EPN1: variants seen among roughly 807,000 people sequenced by gnomAD.
EPN1 encodes epsin-1.
Under a neutral mutation model 56.9 loss-of-function variants are expected in EPN1, and 25 were observed. The observed-to-expected ratio is 0.44, with a 90% CI of 0.32 to 0.61. EPN1 has a LOEUF of 0.61. Among genes scored for constraint, EPN1 ranks in the 20% least tolerant of loss-of-function variants. The pLI, the probability that EPN1 is intolerant of heterozygous loss-of-function variation, is 0.05. For synonymous variants in EPN1, 411 were observed against 361.8 expected (o/e 1.14, Z -1.54); for missense variants, 785 against 823.7 (o/e 0.95, Z 0.58).
At chr19:55,690,601 G>C (rs560086055) in intron 6 of EPN1, among the ~76,000 whole-genome samples, 2 of 152,202 alleles carry the variant, frequency 1.3e-5, no homozygotes, top group Non-Finnish European at 2.9e-5. Flanking sequence ...GCCTCTCCCT[G>C]GTTACTAGTC....
chr19:55,678,740 C>T lies in EPN1; in HGVS notation c.113C>T (p.Ser38Phe). The T allele has an allele frequency of 1.2e-6, 2 of 1,614,154 alleles. No individual in the cohort carries two copies. Among genetic ancestry groups the T allele is most frequent in the Non-Finnish European group, 1.7e-6 (2 of 1,180,022 alleles). ...TSNDPWGPSS[S>F]LMSEIADLTY... is the part of the protein sequence containing the mutation. ...AATGACCCCTGGGGCCCATCCAGCT[C>T]CCTCATGTCAGAGATTGCCGACCTC... The change falls in exon 2 of 11, where the codon TCC becomes TTC. Residue 38 changes from serine (S) to phenylalanine (F), a missense_variant. By Grantham distance (155) the Ser-to-Phe change is radical. This residue lies in a region of EPN1 where 135 missense variants were observed against 218.7 expected (regional missense o/e 0.62). Transcript: ENST00000270460.
Position 55,678,711 on chromosome 19 carries a change from G to A in EPN1, c.84G>A (p.Thr28=), listed in dbSNP as rs773627582. The A allele has an allele frequency of 1.2e-6, 2 of 1,614,172 alleles. No individual in the cohort carries two copies. Among genetic ancestry groups the A allele is most frequent in the Non-Finnish European group, 1.7e-6 (2 of 1,180,030 alleles). The part of the protein sequence containing the change: ...SEAEIKVREA[T]SNDPWGPSSS... ...CGGAGATCAAGGTTCGAGAGGCCAC[G>A]AGCAATGACCCCTGGGGCCCATCCA... is the stretch of plus-strand genomic sequence containing the variant. The change falls in exon 2 of 11, where the codon ACG becomes ACA. Residue 28 remains threonine, a synonymous_variant. Coordinates refer to ENST00000270460, the MANE Select transcript of EPN1 (RefSeq NM_001130072.2).
chr19:55,690,343 G>A (rs1349997092), intron 6 of EPN1, among the ~76,000 whole-genome samples: 1 of 152,270 alleles, frequency 6.6e-6, no homozygotes, highest in African/African-American at 2.4e-5. Flanking sequence ...CAGGCCGTGT[G>A]CTGCACACCC....
At chr19:55,684,817 A>G (rs528478300) in intron 2 of EPN1, among the ~76,000 whole-genome samples, 1 of 149,376 alleles carries the variant, frequency 6.7e-6, no homozygotes, top group South Asian at 2.1e-4. Context: ...GTAAAGAAAT[A>G]GACAGGGCTC....
intron 6 of EPN1, among the ~76,000 whole-genome samples, chr19:55,690,413 G>A (rs1320048284): frequency 1.3e-5 from 2 of 152,256 alleles, no homozygotes; most frequent in Non-Finnish European, 2.9e-5. Context: ...TTTCTGTGGC[G>A]TCCCCATGCT....
chr19:55,694,998 A>T lies in EPN1; in HGVS notation c.1522+15A>T. 1 of 1,558,736 alleles carries T rather than the reference A, an allele frequency of 6.4e-7. No individual in the cohort carries two copies. Among genetic ancestry groups the T allele is most frequent in the East Asian group, 2.4e-5 (1 of 41,608 alleles). The stretch of plus-strand genomic sequence containing the variant: ...CCTGCCAGGCGGTGAGTGTGGGCCC[A>T]TCACCTGCTCAAGTCCTTCCTGTGG... On this transcript the variant is annotated intron_variant, in intron 10 of 10. Transcript: ENST00000270460. The surrounding 1 kb of genome is among the most constrained non-coding windows in gnomAD (Gnocchi z 4.2).
Position 55,707,235 on chromosome 19 carries a change from A to T in EPN1, c.*11879A>T, listed in dbSNP as rs1312843493. 6.6e-6 allele frequency: 1 copy of T among 151,824 alleles called. No homozygotes were observed. The highest frequency in any genetic ancestry group is 2.4e-5 in the African/African-American group (1 of 41,298). 9.4% of individuals were successfully genotyped at this position (151,824 alleles called of 1,614,324 possible). On this transcript the variant is annotated 3_prime_UTR_variant, in exon 11 of 11. Transcript: ENST00000270460. Reference sequence around the variant, plus strand: ...TGTGCACCTGTGGTCCCAGCTACACAGGAGGCTGAGGCAGGAGCATCACTT... The same window carrying T: ...TGTGCACCTGTGGTCCCAGCTACACTGGAGGCTGAGGCAGGAGCATCACTT...
Position 55,694,765 on chromosome 19 carries a change from G to T in EPN1, c.1304G>T (p.Ser435Ile). The T allele has an allele frequency of 6.2e-7, 1 of 1,601,192 alleles. No individual in the cohort carries two copies. Among genetic ancestry groups the T allele is most frequent in the South Asian group, 1.1e-5 (1 of 89,528 alleles). ...ELLAGEVPAR[S>I]PGAFDMSGVR... ...CTGGCAGGAGAGGTGCCGGCCCGAA[G>T]CCCTGGGGCGTTTGACATGAGTGGG... The change falls in exon 10 of 11, where the codon AGC (serine) becomes ATC (isoleucine). Residue 435 changes from serine to isoleucine, a missense_variant. Ser to Ile is a moderately radical substitution (Grantham distance 142). Around this residue, in one of 2 missense-constraint regions of EPN1, gnomAD observed 650 missense variants for 605.0 expected, o/e 1.07. Coordinates refer to ENST00000270460, the MANE Select transcript of EPN1 (RefSeq NM_001130072.2). The surrounding 1 kb of genome is among the most constrained non-coding windows in gnomAD (Gnocchi z 4.2).
At chr19:55,682,135 A>C (rs1425342111) in intron 2 of EPN1, among the ~76,000 whole-genome samples, 1 of 152,154 alleles carries the variant, frequency 6.6e-6, no homozygotes, top group Non-Finnish European at 1.5e-5. Context: ...TAAGGTTTTA[A>C]ATTTTTCATT....
chr19:55,690,152 C>T (rs1005849736), intron 6 of EPN1, among the ~76,000 whole-genome samples: 4 of 152,236 alleles, frequency 2.6e-5, no homozygotes, highest in African/African-American at 7.2e-5. Flanking sequence ...GGCTGCCCTG[C>T]GGCCACCTCC....
intron 2 of EPN1, among the ~76,000 whole-genome samples, chr19:55,683,990 C>G (rs1022577970): frequency 6.6e-6 from 1 of 152,188 alleles, no homozygotes; most frequent in African/African-American, 2.4e-5. Context: ...TTCCAAAACA[C>G]AAGGGCCCCA....
intron 6 of EPN1, among the ~76,000 whole-genome samples, chr19:55,690,211 A>G (rs1194462900): frequency 6.6e-6 from 1 of 152,204 alleles, no homozygotes; most frequent in African/African-American, 2.4e-5. Context: ...CGTGAGGGCC[A>G]CCACCGGCCG....
chr19:55,678,546 C>T lies in EPN1; in HGVS notation c.-82C>T. On this transcript the variant is annotated 5_prime_UTR_variant, in exon 2 of 11. Coordinates refer to ENST00000270460, the MANE Select transcript of EPN1 (RefSeq NM_001130072.2). ...TCGCAGATGCGGTGACCTGCCAGCA[C>T]CTGCCGCAGCCTTCGTCCGGGAGTC... 1 of 1,546,048 alleles carries T rather than the reference C, an allele frequency of 6.5e-7. No individual in the cohort carries two copies. Among genetic ancestry groups the T allele is most frequent in the Non-Finnish European group, 8.7e-7 (1 of 1,147,928 alleles).
chr19:55,676,348 C>G (rs1357342440), intron 1 of EPN1, among the ~76,000 whole-genome samples: 2 of 152,310 alleles, frequency 1.3e-5, no homozygotes, highest in Admixed American at 6.5e-5. Flanking sequence ...TAAGAATTCT[C>G]TTTGAATCAA....
intron 1 of EPN1, chr19:55,677,216 A>G (rs1465053897): frequency 3.3e-6 from 5 of 1,498,206 alleles, no homozygotes; most frequent in Non-Finnish European, 4.6e-6. Context: ...CTCCAGGAGT[A>G]AGGTGTGTGT....
At chr19:55,677,570 G>T (rs1210193853) in intron 1 of EPN1, 1 of 1,542,334 alleles carries the variant, frequency 6.5e-7, no homozygotes, top group East Asian at 2.4e-5. Context: ...TTTGCATGCA[G>T]TGTTGAAAAA....
intron 2 of EPN1, among the ~76,000 whole-genome samples, chr19:55,681,399 A>C (rs1985810701): frequency 6.6e-6 from 1 of 152,076 alleles, no homozygotes; most frequent in Admixed American, 6.5e-5. Flanking sequence ...AGGAGCCCCG[A>C]GCCCACCCTC....
At chr19:55,690,634 C>T (rs1211192936) in intron 6 of EPN1, among the ~76,000 whole-genome samples, 5 of 152,216 alleles carry the variant, frequency 3.3e-5, no homozygotes, top group Non-Finnish European at 7.3e-5. Flanking sequence ...CCTCATAGCA[C>T]AGTAGCTGCT....
Position 55,688,904 on chromosome 19 carries a change from C to T in EPN1, c.513C>T (p.Pro171=), listed in dbSNP as rs571085361. Residue 171 remains proline (P), a synonymous_variant, in exon 4 of 11, where the codon CCC becomes CCT. Transcript: ENST00000270460. ...CAGCTGTGGGCTCAGGCCCCCCTCC[C>T]GAGGCGGAGCAGGCGTGGCCGCAGA... The part of the protein sequence containing the change: ...SSAAVGSGPP[P]EAEQAWPQSS... The T allele has an allele frequency of 6.1e-5, 97 of 1,582,302 alleles. No individual in the cohort carries two copies. Among genetic ancestry groups the T allele is most frequent in the East Asian group, 4.2e-4 (18 of 43,350 alleles).
Sources: allele counts gnomAD v4.1 joint callset (sites outside exome capture counted in the v4.1 genomes callset), GRCh38; gene constraint gnomAD v4.1.1; regional missense constraint gnomAD v4.1.1; non-coding constraint Gnocchi (gnomAD v3.1); transcripts MANE v1.5; gene names NCBI Gene and HGNC (gene_info 2026-07-23, HGNC 2026-07-21).